Variants in MCPH1 observed in about 807,000 individuals in gnomAD.
The protein encoded by MCPH1 is microcephalin 1, also known as microcephalin.
Under a neutral mutation model 84.5 loss-of-function variants are expected in MCPH1, and 104 were observed. The ratio of observed to expected loss-of-function variants is 1.23; its 90% CI spans 1.05 to 1.45. MCPH1 has a LOEUF of 1.45. Ranked by LOEUF, MCPH1 falls within the 40% of genes most tolerant of loss-of-function variation. MCPH1 has a pLI of 0.00. For synonymous variants in MCPH1, 514 were observed against 366.8 expected, an observed-to-expected ratio of 1.40 and a Z score of -4.58; for missense variants, 1,498 against 1,005.7, an observed-to-expected ratio of 1.49 and a Z score of -6.62.
At chr8:6,583,101 G>A (rs1347737951) in intron 12 of MCPH1, among the ~76,000 whole-genome samples, 1 of 152,066 alleles carries the variant, frequency 6.6e-6, no homozygotes, top group Non-Finnish European at 1.5e-5. Flanking sequence ...TTTTCATCTT[G>A]GCAATCTCTA....
At chr8:6,476,195 G>A (rs1337664765) in intron 9 of MCPH1, among the ~76,000 whole-genome samples, 11 of 152,154 alleles carry the variant, frequency 7.2e-5, no homozygotes, top group African/African-American at 1.9e-4. Flanking sequence ...TTGGGAGGCC[G>A]AGGTGGGTGG....
intron 12 of MCPH1, among the ~76,000 whole-genome samples, chr8:6,509,636 G>T (rs1236034778): frequency 6.6e-6 from 1 of 152,192 alleles, no homozygotes; most frequent in Non-Finnish European, 1.5e-5. Flanking sequence ...ACAAATGTCG[G>T]AGTAAGTTAG....
At chr8:6,558,496 A>G (rs112533659) in intron 12 of MCPH1, among the ~76,000 whole-genome samples, 1,634 of 152,340 alleles carry the variant, frequency 0.011, 26 homozygotes, top group African/African-American at 0.038. Context: ...GCATCTGATC[A>G]CCAATGGTAA....
intron 12 of MCPH1, among the ~76,000 whole-genome samples, chr8:6,520,264 T>C (rs564436688): frequency 6.6e-6 from 1 of 152,254 alleles, no homozygotes; most frequent in African/African-American, 2.4e-5. Context: ...ATCAATTACA[T>C]GTAATGAAAG....
At chr8:6,426,605 A>G (rs1357878491) in intron 3 of MCPH1, among the ~76,000 whole-genome samples, 2 of 152,192 alleles carry the variant, frequency 1.3e-5, no homozygotes, top group Admixed American at 1.3e-4. Context: ...CTAGTTTGCC[A>G]TTTTAGGTTA....
In MCPH1 at chr8:6,445,161, C is replaced by G. The variant is rs377295557; in HGVS notation, c.1439C>G (p.Thr480Ser). Residue 480 changes from threonine (T) to serine (S), a missense_variant, in exon 8 of 14, where the codon ACC becomes AGC. Coordinates refer to ENST00000344683, the MANE Select transcript of MCPH1 (RefSeq NM_024596.5). ...GACATTACCAATTTCACAGCAAAAACCATCTCCAGTCCTCGGAAAACTGGA... is the reference window on the plus strand; with the variant it reads ...GACATTACCAATTTCACAGCAAAAAGCATCTCCAGTCCTCGGAAAACTGGA... Reference protein sequence around the residue: ...TVDITNFTAKTISSPRKTGNG... With the variant: ...TVDITNFTAKSISSPRKTGNG... 5 of 1,614,222 alleles carry G rather than the reference C, an allele frequency of 3.1e-6. No individual in the cohort carries two copies. The highest frequency in any genetic ancestry group is 1.1e-5 in the South Asian group (1 of 91,090).
intron 12 of MCPH1, among the ~76,000 whole-genome samples, chr8:6,521,762 A>T (rs969695729): frequency 6.6e-6 from 1 of 152,186 alleles, no homozygotes; most frequent in African/African-American, 2.4e-5. Context: ...AGTGCTCATG[A>T]AGTGCTTTTT....
chr8:6,511,781 A>T (rs896786547), intron 12 of MCPH1, among the ~76,000 whole-genome samples: 1 of 152,240 alleles, frequency 6.6e-6, no homozygotes, highest in Non-Finnish European at 1.5e-5. Context: ...TCTAAAGGAA[A>T]TATCTGTTAA....
At chr8:6,534,376 G>A (rs1039334112) in intron 12 of MCPH1, among the ~76,000 whole-genome samples, 1 of 152,108 alleles carries the variant, frequency 6.6e-6, no homozygotes, top group Non-Finnish European at 1.5e-5. Flanking sequence ...CTGTTTTACG[G>A]AAGAGGCTTG....
At chr8:6,526,257 T>TGA (rs1327541036) in intron 12 of MCPH1, among the ~76,000 whole-genome samples, 9 of 77,464 alleles carry the variant, frequency 1.2e-4, no homozygotes, top group Admixed American at 3.7e-4. Flanking sequence ...TTGCCTCTAC[T>TGA]AAAAAAAAAA....
At chr8:6,501,887 A>G (rs927504999) in intron 12 of MCPH1, 38 of 151,276 alleles carry the variant, frequency 2.5e-4, no homozygotes, top group African/African-American at 9.2e-4. Context: ...AAATATTTAA[A>G]TATATTATGA....
intron 12 of MCPH1, chr8:6,620,107 C>G (rs983198742): frequency 1.3e-5 from 2 of 152,154 alleles, no homozygotes; most frequent in Admixed American, 6.5e-5. Context: ...CTGCCTATCT[C>G]GCAGGATATA....
chr8:6,635,088 T>C (rs960914724), intron 13 of MCPH1: 1 of 152,174 alleles, frequency 6.6e-6, no homozygotes, highest in Non-Finnish European at 1.5e-5. Flanking sequence ...AGAATTCAGC[T>C]TGTCAAGTGA....
chr8:6,586,588 G>A (rs1374852703), intron 12 of MCPH1, among the ~76,000 whole-genome samples: 2 of 152,202 alleles, frequency 1.3e-5, no homozygotes, highest in Non-Finnish European at 2.9e-5. Context: ...AGAACTGCAT[G>A]TCTGGGGGGA....
chr8:6,514,813 C>A (rs1196534599), intron 12 of MCPH1: 6 of 1,542,016 alleles, frequency 3.9e-6, no homozygotes, highest in Non-Finnish European at 3.6e-6. Context: ...AGTGACAGAG[C>A]CCCCCCACTC....
intron 9 of MCPH1, among the ~76,000 whole-genome samples, chr8:6,466,408 A>G (rs978548424): frequency 2.0e-5 from 3 of 151,560 alleles, no homozygotes; most frequent in Non-Finnish European, 4.4e-5. Flanking sequence ...CCTGGGTTCA[A>G]GTGATTCTCC....
chr8:6,489,575 C>T (rs1401587544), intron 11 of MCPH1, among the ~76,000 whole-genome samples: 2 of 152,202 alleles, frequency 1.3e-5, no homozygotes, highest in Admixed American at 1.3e-4. Context: ...GCAGTGGAAG[C>T]ACTAGGGTTA....
At chr8:6,564,942 C>G (rs1012355614) in intron 12 of MCPH1, among the ~76,000 whole-genome samples, 1 of 152,222 alleles carries the variant, frequency 6.6e-6, no homozygotes, top group African/African-American at 2.4e-5. Flanking sequence ...CACAGAAAAG[C>G]TGGAAGACAT....
chr8:6,611,914 G>A (rs569144856), intron 12 of MCPH1, among the ~76,000 whole-genome samples: 5 of 152,296 alleles, frequency 3.3e-5, no homozygotes, highest in Admixed American at 6.5e-5. Context: ...CACCGCGCCC[G>A]GCCTGACGTC....
Sources: gnomAD v4.1 joint callset for allele counts (sites outside exome capture counted in the v4.1 genomes callset) on GRCh38, gnomAD v4.1.1 for gene constraint, MANE v1.5 for transcripts, NCBI Gene and HGNC (gene_info 2026-07-23, HGNC 2026-07-21) for gene names.